Variants in ATP6V0E1 observed in about 807,000 individuals in gnomAD.
ATP6V0E1 encodes the protein ATPase H+ transporting V0 subunit e1.
ATP6V0E1 carries 4 observed loss-of-function variants against 11.6 expected under a neutral mutation model. The observed-to-expected ratio is 0.35, with a 90% CI of 0.17 to 0.79. ATP6V0E1 has a LOEUF of 0.79. Ranked by LOEUF, ATP6V0E1 falls within the 30% of genes least tolerant of loss-of-function variation. The probability of loss-of-function intolerance (pLI) is 0.54; values close to 1 mark genes in which losing one functional copy is unlikely to be tolerated. For synonymous variants in ATP6V0E1, 36 were observed against 34.8 expected (o/e 1.04, Z -0.13); for missense variants, 105 against 100.0 (o/e 1.05, Z -0.21).
intron 1 of ATP6V0E1, among the ~76,000 whole-genome samples, chr5:172,988,595 A>G (rs1430527173): frequency 1.3e-5 from 2 of 152,226 alleles, no homozygotes; most frequent in Non-Finnish European, 2.9e-5. Flanking sequence ...GAAACATTAA[A>G]GCCGAATTAG....
intron 1 of ATP6V0E1, among the ~76,000 whole-genome samples, chr5:172,990,587 G>C (rs1327415203): frequency 6.6e-6 from 1 of 151,752 alleles, no homozygotes; most frequent in Non-Finnish European, 1.5e-5. Flanking sequence ...CCGGCACTTT[G>C]GAAGGCTGAG....
At chr5:173,031,663 C>G (rs1234640937) in intron 3 of ATP6V0E1, among the ~76,000 whole-genome samples, 1 of 151,568 alleles carries the variant, frequency 6.6e-6, no homozygotes, top group East Asian at 2.0e-4. Context: ...CTAAAAAATA[C>G]AAAAAATTAG....
chr5:173,019,327 G>T (rs1057166676), intron 2 of ATP6V0E1, among the ~76,000 whole-genome samples: 2 of 152,074 alleles, frequency 1.3e-5, no homozygotes. Context: ...AGGCCGAGGC[G>T]GGCACATCAC....
chr5:172,989,251 A>C (rs556879528), intron 1 of ATP6V0E1, among the ~76,000 whole-genome samples: 1 of 152,122 alleles, frequency 6.6e-6, no homozygotes, highest in South Asian at 2.1e-4. Flanking sequence ...GGGTGGGTGG[A>C]TTGTTTGAGC....
chr5:173,018,990 C>G (rs1368653804), intron 2 of ATP6V0E1, among the ~76,000 whole-genome samples: 1 of 152,134 alleles, frequency 6.6e-6, no homozygotes, highest in East Asian at 1.9e-4. Context: ...GGGTCTCACT[C>G]TGTTGCCCAG....
intron 2 of ATP6V0E1, among the ~76,000 whole-genome samples, chr5:173,014,915 CAG>C (rs1581632648): frequency 1.3e-5 from 2 of 152,266 alleles, no homozygotes; most frequent in East Asian, 3.9e-4. Flanking sequence ...GATACCAACA[CAG>C]AGAAATGGTA....
At chr5:173,030,350 C>T (rs183244993) in intron 3 of ATP6V0E1, among the ~76,000 whole-genome samples, 101 of 151,848 alleles carry the variant, frequency 6.7e-4, no homozygotes, top group Admixed American at 1.9e-3. Flanking sequence ...CCTAATATAT[C>T]GTTTAAGAAG....
intron 2 of ATP6V0E1, among the ~76,000 whole-genome samples, chr5:173,004,300 T>C (rs1233317071): frequency 6.6e-6 from 1 of 151,944 alleles, no homozygotes; most frequent in Non-Finnish European, 1.5e-5. Flanking sequence ...TGGGTGAAAA[T>C]TGTTAGGAGG....
chr5:173,009,296 C>G (rs537633931), intron 2 of ATP6V0E1, among the ~76,000 whole-genome samples: 116 of 152,050 alleles, frequency 7.6e-4, no homozygotes, highest in Non-Finnish European at 1.6e-3. Context: ...GTGGTGGCAC[C>G]TCATGCCTGC....
chr5:173,009,886 C>A (rs1756293281), intron 2 of ATP6V0E1, among the ~76,000 whole-genome samples: 1 of 151,846 alleles, frequency 6.6e-6, no homozygotes, highest in Non-Finnish European at 1.5e-5. Flanking sequence ...GCCTCAGCCT[C>A]CTGAGTAGCT....
At chr5:173,030,919 T>TTGTA (rs1260049548) in intron 3 of ATP6V0E1, among the ~76,000 whole-genome samples, 21 of 133,904 alleles carry the variant, frequency 1.6e-4, no homozygotes, top group Middle Eastern at 3.6e-3. Flanking sequence ...TGGCTAATTT[T>TTGTA]TGTATTTATT....
intron 1 of ATP6V0E1, among the ~76,000 whole-genome samples, chr5:172,993,812 A>C (rs1426408010): frequency 2.6e-5 from 4 of 151,970 alleles, no homozygotes; most frequent in South Asian, 4.2e-4. Flanking sequence ...TGGAGGTTAC[A>C]GGGAGCTATG....
intron 2 of ATP6V0E1, among the ~76,000 whole-genome samples, chr5:173,015,293 T>C (rs770226769): frequency 3.3e-5 from 5 of 152,262 alleles, no homozygotes; most frequent in Non-Finnish European, 7.3e-5. Context: ...GAAATTGTGA[T>C]ATTGTGAAAT....
chr5:172,991,309 A>G (rs868830546), intron 1 of ATP6V0E1, among the ~76,000 whole-genome samples: 1 of 152,228 alleles, frequency 6.6e-6, no homozygotes, highest in Admixed American at 6.5e-5. Flanking sequence ...ACCACTCAGC[A>G]TGCAGCTCCT....
At chr5:173,026,937 G>A (rs1452721368) in intron 3 of ATP6V0E1, among the ~76,000 whole-genome samples, 1 of 152,108 alleles carries the variant, frequency 6.6e-6, no homozygotes, top group Non-Finnish European at 1.5e-5. Context: ...AGCACTTTGG[G>A]AGGCTGAGGC....
chr5:172,988,309 T>A (rs1755928640), intron 1 of ATP6V0E1, among the ~76,000 whole-genome samples: 1 of 152,246 alleles, frequency 6.6e-6, no homozygotes, highest in African/African-American at 2.4e-5. Context: ...TCCTTGCTTT[T>A]CCTGCTCTTG....
At chr5:172,986,478 T>C (rs916385528) in intron 1 of ATP6V0E1, among the ~76,000 whole-genome samples, 12 of 151,736 alleles carry the variant, frequency 7.9e-5, no homozygotes, top group Non-Finnish European at 1.5e-5. Flanking sequence ...TTTTAATTAG[T>C]TGGGTATGGT....
Position 173,020,224 on chromosome 5 carries a change from C to T in ATP6V0E1, c.153-14C>T, listed in dbSNP as rs1480464685. ...TTTCACCGCTTCGTTGTTTCTCTCC[C>T]ATCCTTCTTTTAGTTGGCTGATTGC... On this transcript the variant is annotated splice_polypyrimidine_tract_variant and intron_variant, in intron 2 of 3. Transcript: ENST00000519374. 1.2e-6 allele frequency: 2 copies of T among 1,600,648 alleles called. No homozygotes were observed. The highest frequency in any genetic ancestry group is 2.2e-5 in the East Asian group (1 of 44,784).
chr5:172,999,208 A>G (rs1228112247), intron 2 of ATP6V0E1, among the ~76,000 whole-genome samples: 2 of 152,158 alleles, frequency 1.3e-5, no homozygotes, highest in Non-Finnish European at 2.9e-5. Context: ...AAGCACCAAA[A>G]TATTTTGTGA....
Sources: allele counts gnomAD v4.1 joint callset (sites outside exome capture counted in the v4.1 genomes callset), GRCh38; gene constraint gnomAD v4.1.1; transcripts MANE v1.5; gene names NCBI Gene and HGNC (gene_info 2026-07-23, HGNC 2026-07-21).